Variants in HAAO observed in about 807,000 individuals in gnomAD.
The protein encoded by HAAO is 3-hydroxyanthranilate 3,4-dioxygenase, also known as 3-hydroxyanthranilate oxygenase.
Under a neutral mutation model 46.2 loss-of-function variants are expected in HAAO, and 49 were observed. That is an observed-to-expected ratio of 1.06 (90% CI 0.84 to 1.34). The LOEUF (loss-of-function observed/expected upper bound fraction) is 1.34, where lower values mean the gene tolerates loss of function less well. Among genes scored for constraint, HAAO ranks in the 40% most tolerant of loss-of-function variants. HAAO has a pLI of 0.00. For missense variants in HAAO, 408 were observed against 364.5 expected (o/e 1.12, Z -0.97); for synonymous variants, 157 against 145.2 (o/e 1.08, Z -0.58).
chr2:42,769,736 A>G lies in HAAO; in HGVS notation c.607T>C (p.Phe203Leu). 1 of 1,613,074 alleles carries G rather than the reference A, an allele frequency of 6.2e-7. No individual in the cohort carries two copies. Among genetic ancestry groups the G allele is most frequent in the Non-Finnish European group, 8.5e-7 (1 of 1,179,520 alleles). The part of the protein sequence containing the change: ...ELQAGTPLSL[F>L]GDTYETQVIA... The stretch of plus-strand genomic sequence containing the variant: ...ACCTGGGTCTCATAGGTGTCCCCAA[A>G]CAGGCTGAGTGGTGTGCCTGCCTGC... The change falls in exon 7 of 10, where the codon TTT (phenylalanine) becomes CTT (leucine). Residue 203 changes from phenylalanine (F) to leucine (L), a missense_variant. By Grantham distance (22) the Phe-to-Leu change is conservative (BLOSUM62 0). Transcript: ENST00000294973.
chr2:42,776,412 A>G (rs779708260), intron 4 of HAAO, among the ~76,000 whole-genome samples: 40 of 151,236 alleles, frequency 2.6e-4, no homozygotes, highest in Non-Finnish European at 5.5e-4. Context: ...CTAATTTTGC[A>G]TTTTTAGTAG....
At chr2:42,772,623 T>A (rs1427411150) in intron 4 of HAAO, among the ~76,000 whole-genome samples, 2 of 152,070 alleles carry the variant, frequency 1.3e-5, no homozygotes, top group African/African-American at 4.8e-5. Flanking sequence ...CCCTTTTTTA[T>A]TATTTTGTTT....
chr2:42,772,288 C>T (rs895203008), intron 4 of HAAO, among the ~76,000 whole-genome samples: 1 of 152,092 alleles, frequency 6.6e-6, no homozygotes, highest in African/African-American at 2.4e-5. Context: ...CGAGACCAGC[C>T]TGGCCAACAT....
Position 42,767,379 on chromosome 2 carries a change from G to T in HAAO, c.*58C>A. 1 of 1,200,892 alleles carries T rather than the reference G, an allele frequency of 8.3e-7. No individual in the cohort carries two copies. The highest frequency in any genetic ancestry group is 1.2e-6 in the Non-Finnish European group (1 of 812,966). 74.4% of individuals were successfully genotyped at this position (1,200,892 alleles called of 1,614,324 possible). A position where few individuals can be genotyped will look rare whatever the true frequency, so the allele number is the denominator to read the frequency against. On this transcript the variant is annotated 3_prime_UTR_variant, in exon 10 of 10. Transcript: ENST00000294973. ...GGGGGCTGGGAGAGTTGTTTGGCAGGGATGGCACTCGAGGGTGCTTGGCAC... is the reference window on the plus strand; with the variant it reads ...GGGGGCTGGGAGAGTTGTTTGGCAGTGATGGCACTCGAGGGTGCTTGGCAC...
intron 4 of HAAO, among the ~76,000 whole-genome samples, chr2:42,771,370 T>C (rs905422367): frequency 2.0e-5 from 3 of 150,448 alleles, no homozygotes; most frequent in African/African-American, 7.4e-5. Flanking sequence ...GAGGTTGCAG[T>C]GAGCCAAGAT....
chr2:42,789,363 T>G (rs768503619), intron 1 of HAAO, among the ~76,000 whole-genome samples: 39 of 152,210 alleles, frequency 2.6e-4, no homozygotes, highest in Admixed American at 6.5e-4. Flanking sequence ...GATGTATTGC[T>G]TGAGGCCACT....
rs1670748865 is a variant in HAAO at position 42,767,466 on chromosome 2, C to T, written c.832G>A (p.Asp278Asn). 2 of 1,613,272 alleles carry T rather than the reference C, an allele frequency of 1.2e-6. No individual in the cohort carries two copies. Among genetic ancestry groups the T allele is most frequent in the African/African-American group, 1.3e-5 (1 of 74,908 alleles). Residue 278 changes from aspartate to asparagine, a missense_variant, in exon 10 of 10, where the codon GAC becomes AAC. Coordinates refer to ENST00000294973, the MANE Select transcript of HAAO (RefSeq NM_012205.3). ...QGSVALSVTQ[D>N]PACKKPLG ...CCCAGGGGCTTCTTGCAGGCAGGGT[C>T]CTGGGTCACAGACAGGGCCACAGAG...
intron 7 of HAAO, among the ~76,000 whole-genome samples, chr2:42,768,509 G>A (rs887302324): frequency 6.6e-6 from 1 of 152,096 alleles, no homozygotes; most frequent in Non-Finnish European, 1.5e-5. Context: ...GCATGTTCTC[G>A]CAGCCCTGTG....
chr2:42,784,769 C>T (rs998297283), intron 2 of HAAO, among the ~76,000 whole-genome samples: 19 of 152,220 alleles, frequency 1.2e-4, no homozygotes, highest in Non-Finnish European at 5.9e-5. Flanking sequence ...TGTGGCTCTG[C>T]AGTCTGCCAC....
rs1670723761 is a variant in HAAO, at chr2:42,767,162, G to T, written c.*275C>A. The T allele has an allele frequency of 3.6e-6, 2 of 562,060 alleles. No individual in the cohort carries two copies. The highest frequency in any genetic ancestry group is 6.1e-5 in the Admixed American group (2 of 32,724). The allele number at this position is 562,060 out of a possible 1,614,324, so 34.8% of individuals were successfully genotyped here. ...CTGCACTGAGTCTGCAGGGACAGAGGAATGGGCAGGAGCGGGGCCGGGGGT... is the reference window on the plus strand; with the variant it reads ...CTGCACTGAGTCTGCAGGGACAGAGTAATGGGCAGGAGCGGGGCCGGGGGT... On this transcript the variant is annotated 3_prime_UTR_variant, in exon 10 of 10. Coordinates refer to ENST00000294973, the MANE Select transcript of HAAO (RefSeq NM_012205.3).
chr2:42,780,117 A>G (rs1671875179), intron 4 of HAAO, among the ~76,000 whole-genome samples: 1 of 151,936 alleles, frequency 6.6e-6, no homozygotes, highest in Admixed American at 6.6e-5. Flanking sequence ...CTGCCTTAAA[A>G]CTTTTTGTCA....
At chr2:42,773,647 C>T (rs1361798184) in intron 4 of HAAO, among the ~76,000 whole-genome samples, 3 of 147,870 alleles carry the variant, frequency 2.0e-5, no homozygotes, top group East Asian at 2.0e-4. Flanking sequence ...AGCGCACTGG[C>T]GCGATCTTGG....
rs763488725 is a variant in HAAO at position 42,767,939 on chromosome 2, G to A, written c.631-11C>T. 9.3e-6 allele frequency: 15 copies of A among 1,612,944 alleles called. No homozygotes were observed. Among genetic ancestry groups the A allele is most frequent in the Non-Finnish European group, 1.3e-5 (15 of 1,179,066 alleles). On this transcript the variant is annotated splice_polypyrimidine_tract_variant and intron_variant, in intron 7 of 9. Transcript: ENST00000294973. ...CCCATAGGCGATCACCTGGTGGGAG[G>A]TGAAACAGAAACTTCTGGTGCTTCT...
intron 3 of HAAO, 72 bp from the exon 4 acceptor site, chr2:42,783,492 T>C: frequency 1.0e-6 from 1 of 986,310 alleles, no homozygotes; most frequent in Non-Finnish European, 1.6e-6. Context: ...CCCAACATCC[T>C]GGGCATCCCC....
intron 1 of HAAO, among the ~76,000 whole-genome samples, chr2:42,789,541 C>T (rs1243814620): frequency 2.0e-5 from 3 of 151,208 alleles, no homozygotes; most frequent in Non-Finnish European, 4.4e-5. Flanking sequence ...TGCACTCCAG[C>T]CTGGGTAACA....
chr2:42,769,887 G>A, intron 6 of HAAO, 29 bp from the exon 7 acceptor site: 1 of 1,586,240 alleles, frequency 6.3e-7, no homozygotes, highest in Non-Finnish European at 8.6e-7. Context: ...TATAGTCGGT[G>A]TCCTCAGGAC....
At chr2:42,767,804 C>T (rs563037656) in intron 8 of HAAO, 56 bp downstream of exon 8, 28 of 1,578,546 alleles carry the variant, frequency 1.8e-5, no homozygotes, top group African/African-American at 6.7e-5. Context: ...GGCCGAGGAG[C>T]GGGCTGATGC....
intron 3 of HAAO, 108 bp from the exon 4 acceptor site, chr2:42,783,528 T>C (rs983956745): frequency 1.9e-5 from 14 of 739,264 alleles, no homozygotes; most frequent in African/African-American, 1.7e-5. Flanking sequence ...AGCAAAGGGG[T>C]ACTGCTTGTC....
intron 4 of HAAO, among the ~76,000 whole-genome samples, chr2:42,777,504 AAGTT>A (rs899155281): frequency 2.6e-5 from 4 of 152,254 alleles, no homozygotes; most frequent in East Asian, 3.9e-4. Flanking sequence ...GTGCCTCTCA[AAGTT>A]AGTTCAGCCT....
Sources: gnomAD v4.1 joint callset for allele counts (sites outside exome capture counted in the v4.1 genomes callset) on GRCh38, gnomAD v4.1.1 for gene constraint, MANE v1.5 for transcripts, NCBI Gene and HGNC (gene_info 2026-07-23, HGNC 2026-07-21) for gene names.